The following PYROXD2 variants were observed in gnomAD, a reference collection of about 807,000 sequenced individuals.
The protein encoded by PYROXD2 is pyridine nucleotide-disulphide oxidoreductase domain 2, also known as pyridine nucleotide-disulfide oxidoreductase domain-containing protein 2.
A neutral mutation model predicts 71.1 loss-of-function variants in PYROXD2; 69 were observed. That is an observed-to-expected ratio of 0.97 (90% CI 0.80 to 1.19). PYROXD2 has a LOEUF of 1.19. Among genes scored for constraint, PYROXD2 ranks in the 50% most tolerant of loss-of-function variants. The pLI is 0.00. For missense variants in PYROXD2, 745 were observed against 748.9 expected (o/e 0.99, Z 0.06); for synonymous variants, 287 against 302.7 (o/e 0.95, Z 0.54).
rs1403413512 is a variant in PYROXD2 at position 98,407,901 on chromosome 10, C to T, written c.241+3G>A. 1.9e-6 allele frequency: 3 copies of T among 1,603,824 alleles called. No individual in the cohort carries two copies. The South Asian group carries it at 3.4e-5, about 18-fold the overall frequency. ...CACTCCCCCATGCCACATCAGAGCT[C>T]ACCTGGGATGATCTCCTCAGTGACA... On this transcript the variant is annotated splice_donor_region_variant and intron_variant, in intron 3 of 15. Transcript: ENST00000370575.
chr10:98,401,593 T>C (rs559946212), intron 4 of PYROXD2, among the ~76,000 whole-genome samples: 9 of 152,310 alleles, frequency 5.9e-5, no homozygotes, highest in African/African-American at 1.9e-4. Flanking sequence ...AACACAAACA[T>C]TGTACAGCTA....
intron 2 of PYROXD2, among the ~76,000 whole-genome samples, chr10:98,409,295 G>A (rs1429659831): frequency 5.3e-5 from 8 of 152,160 alleles, no homozygotes; most frequent in Admixed American, 2.6e-4. Flanking sequence ...CTGCACACTC[G>A]TCTCTCCTCC....
rs780584859 is a variant in PYROXD2 at position 98,407,980 on chromosome 10, T to C, written c.165A>G (p.Arg55=). The part of the protein sequence containing the change: ...NGLVAAAYLQ[R]LGVNTAVFER... ...CGAAGACGGCGGTGTTCACCCCCAG[T>C]CTCTGCAGGTACGCTGCCTGGGAAG... Residue 55 remains arginine (R), a synonymous_variant, in exon 3 of 16, where the codon AGA becomes AGG. Coordinates refer to ENST00000370575, the MANE Select transcript of PYROXD2 (RefSeq NM_032709.3). 1.2e-5 allele frequency: 19 copies of C among 1,607,230 alleles called. No homozygotes were observed. The highest frequency in any genetic ancestry group is 1.6e-5 in the Non-Finnish European group (19 of 1,177,128).
intron 4 of PYROXD2, among the ~76,000 whole-genome samples, chr10:98,401,273 A>AAAAAACAAAC (rs149519972): frequency 1.2e-4 from 15 of 121,684 alleles, no homozygotes; most frequent in African/African-American, 2.9e-4. Flanking sequence ...AAAACAAAAA[A>AAAAAACAAAC]AAACAAACAT....
intron 4 of PYROXD2, among the ~76,000 whole-genome samples, chr10:98,403,649 T>G (rs1032830425): frequency 1.3e-5 from 2 of 152,240 alleles, no homozygotes; most frequent in African/African-American, 4.8e-5. Context: ...ACATGGCTGC[T>G]GCTGGTGACC....
At chr10:98,396,918 A>G (rs934262211) in intron 6 of PYROXD2, among the ~76,000 whole-genome samples, 3 of 152,184 alleles carry the variant, frequency 2.0e-5, no homozygotes, top group African/African-American at 7.2e-5. Flanking sequence ...AACCCAATGG[A>G]TAAATATTTC....
At chr10:98,412,243 G>A (rs1351545808) in intron 1 of PYROXD2, among the ~76,000 whole-genome samples, 2 of 152,230 alleles carry the variant, frequency 1.3e-5, no homozygotes, top group East Asian at 1.9e-4. Context: ...AATGAGTAAG[G>A]TCAAGGATCC....
At chr10:98,384,015 C>T (rs965864845) in intron 15 of PYROXD2, 147 bp from the exon 16 acceptor site, 2 of 699,410 alleles carry the variant, frequency 2.9e-6, no homozygotes, top group Non-Finnish European at 5.1e-6. Context: ...TCACCTAAGA[C>T]AGCCGCTCAA....
chr10:98,388,620 G>A (rs953014003), intron 12 of PYROXD2, 112 bp from the exon 13 acceptor site: 15 of 1,175,984 alleles, frequency 1.3e-5, no homozygotes, highest in South Asian at 3.4e-5. Flanking sequence ...AATTCTGGGC[G>A]ATTGTCGCTC....
chr10:98,384,295 G>T (rs931528531), intron 15 of PYROXD2, among the ~76,000 whole-genome samples: 1 of 152,170 alleles, frequency 6.6e-6, no homozygotes, highest in African/African-American at 2.4e-5. Flanking sequence ...GCACAAGAAA[G>T]AATTGTAAAG....
chr10:98,393,985 C>T (rs899081172), intron 8 of PYROXD2, among the ~76,000 whole-genome samples: 2 of 152,154 alleles, frequency 1.3e-5, no homozygotes, highest in African/African-American at 4.8e-5. Context: ...GTTTTGTTAA[C>T]TCCTCTTTGT....
chr10:98,401,271 A>AC (rs1564805379), intron 4 of PYROXD2, among the ~76,000 whole-genome samples: 3 of 150,044 alleles, frequency 2.0e-5, no homozygotes, highest in African/African-American at 7.4e-5. Context: ...AAAAAACAAA[A>AC]AAAAACAAAC....
intron 1 of PYROXD2, 45 bp downstream of exon 1, chr10:98,414,964 T>C (rs2147900): frequency 0.3 from 472,916 of 1,595,220 alleles, 76,453 homozygotes; most frequent in African/African-American, 0.53. Flanking sequence ...AGCAGGGCTG[T>C]CTTCCCGCCC....
At chr10:98,409,637 G>C (rs996506831) in intron 2 of PYROXD2, among the ~76,000 whole-genome samples, 2 of 152,214 alleles carry the variant, frequency 1.3e-5, no homozygotes, top group African/African-American at 4.8e-5. Flanking sequence ...GCATGTGCCA[G>C]GTCCTAGCAG....
At chr10:98,383,972 G>T in intron 15 of PYROXD2, 104 bp from the exon 16 acceptor site, 1 of 986,486 alleles carries the variant, frequency 1.0e-6, no homozygotes, top group Non-Finnish European at 1.6e-6. Context: ...GAGTGGGGCT[G>T]GTTAGAGGGG....
intron 4 of PYROXD2, among the ~76,000 whole-genome samples, chr10:98,401,419 T>C (rs752986409): frequency 1.6e-4 from 25 of 152,076 alleles, no homozygotes; most frequent in Non-Finnish European, 2.9e-4. Context: ...GCCCAGCACA[T>C]TGCTGTACAC....
intron 5 of PYROXD2, among the ~76,000 whole-genome samples, chr10:98,397,945 C>T (rs141128996): frequency 0.015 from 2,037 of 132,840 alleles, 30 homozygotes; most frequent in Middle Eastern, 0.049. Context: ...GGCAGTGGTG[C>T]GATGTCGGCT....
chr10:98,401,962 T>G (rs1223155549), intron 4 of PYROXD2, among the ~76,000 whole-genome samples: 2 of 152,256 alleles, frequency 1.3e-5, no homozygotes, highest in African/African-American at 4.8e-5. Flanking sequence ...AATAAATACA[T>G]TAGCCAGTGA....
intron 14 of PYROXD2, among the ~76,000 whole-genome samples, chr10:98,386,720 T>A (rs1842766720): frequency 6.6e-6 from 1 of 151,952 alleles, no homozygotes; most frequent in Non-Finnish European, 1.5e-5. Context: ...CTGGCGGGGT[T>A]TTTGTTTTTG....
Sources: allele counts gnomAD v4.1 joint callset (sites outside exome capture counted in the v4.1 genomes callset), GRCh38; gene constraint gnomAD v4.1.1; transcripts MANE v1.5; gene names NCBI Gene and HGNC (gene_info 2026-07-23, HGNC 2026-07-21).